Variants in RGS7 observed in about 807,000 individuals in gnomAD.
RGS7 encodes regulator of G protein signaling 7.
A neutral mutation model predicts 81.1 loss-of-function variants in RGS7; 27 were observed. The ratio of observed to expected loss-of-function variants is 0.33; its 90% CI spans 0.25 to 0.46. RGS7 has a LOEUF of 0.46. RGS7 is among the 20% of genes least tolerant of loss of function. RGS7 has a pLI of 1.00. For missense variants in RGS7, 396 were observed against 607.4 expected, an observed-to-expected ratio of 0.65 and a Z score of 3.66; for synonymous variants, 208 against 207.7, an observed-to-expected ratio of 1.00 and a Z score of -0.01.
intron 3 of RGS7, among the ~76,000 whole-genome samples, chr1:241,088,050 A>C (rs1370120131): frequency 7.1e-6 from 1 of 140,146 alleles, no homozygotes; most frequent in Admixed American, 6.9e-5. Flanking sequence ...ACACATATAT[A>C]TATATACACA....
At position 240,964,277 on chromosome 1, in the gene RGS7, A is replaced by C. The variant is rs181769692; in HGVS notation, c.226+18802T>G. 3.3e-5 allele frequency among the ~76,000 whole-genome samples: 5 copies of C among 152,342 alleles called. No homozygotes were observed. In the East Asian group the frequency reaches 9.6e-4, roughly 29 times the overall value. On this transcript the variant is annotated intron_variant, in intron 4 of 18. Transcript: ENST00000440928. Reference sequence around the variant, plus strand: ...GTAGAGGAAGTGGAGAAAGCTTTGAATAATCATCCCACTAAATAGGAGATC... The same window carrying C: ...GTAGAGGAAGTGGAGAAAGCTTTGACTAATCATCCCACTAAATAGGAGATC...
chr1:241,124,094 C>T (rs2066480969), intron 2 of RGS7, among the ~76,000 whole-genome samples: 2 of 152,092 alleles, frequency 1.3e-5, no homozygotes, highest in South Asian at 4.1e-4. Context: ...TAGAGAGTAT[C>T]CCTCTTAAGA....
At chr1:240,893,709 A>G (rs1166194336) in intron 6 of RGS7, among the ~76,000 whole-genome samples, 1 of 152,186 alleles carries the variant, frequency 6.6e-6, no homozygotes, top group Non-Finnish European at 1.5e-5. Flanking sequence ...GGAAAAGGAA[A>G]CCCAGTTCTA....
At position 241,081,650 on chromosome 1, in the gene RGS7, T is replaced by C. The variant is rs74776504; in HGVS notation, c.175+17016A>G. On this transcript the variant is annotated intron_variant, in intron 3 of 18. Transcript: ENST00000440928. ...GCACAATGAATGGATCACGTCAGGT[T>C]CCCATGTAGGGATGAGAGAACAGGA... Among the ~76,000 whole-genome samples the C allele has an allele frequency of 4.8e-3, 736 of 152,362 alleles. 43 individuals are homozygous for C. In the East Asian group the frequency reaches 0.12, roughly 25 times the overall value.
At chr1:241,241,490 A>G (rs2076255332) in intron 2 of RGS7, among the ~76,000 whole-genome samples, 1 of 152,104 alleles carries the variant, frequency 6.6e-6, no homozygotes, top group Non-Finnish European at 1.5e-5. Flanking sequence ...AACACCACAG[A>G]GCAAAGGCAG....
At chr1:241,008,235 C>T (rs1005822605) in intron 3 of RGS7, among the ~76,000 whole-genome samples, 1 of 152,054 alleles carries the variant, frequency 6.6e-6, no homozygotes, top group Non-Finnish European at 1.5e-5. Context: ...AGAGACTGAG[C>T]CTGTAAAAGA....
chr1:241,115,336 G>C (rs1290106527), intron 2 of RGS7, among the ~76,000 whole-genome samples: 2 of 152,118 alleles, frequency 1.3e-5, no homozygotes, highest in African/African-American at 4.8e-5. Context: ...AAATTTTTAT[G>C]CAAGTTCTAA....
intron 6 of RGS7, among the ~76,000 whole-genome samples, chr1:240,870,798 C>T (rs1211103923): frequency 6.6e-6 from 1 of 152,176 alleles, no homozygotes; most frequent in Non-Finnish European, 1.5e-5. Flanking sequence ...ATTAGTGGCA[C>T]ATTCAACGAT....
At chr1:241,160,156 G>A (rs887247858) in intron 2 of RGS7, among the ~76,000 whole-genome samples, 1 of 145,706 alleles carries the variant, frequency 6.9e-6, no homozygotes, top group Non-Finnish European at 1.5e-5. Context: ...AAAGAAATAG[G>A]GTTTTCATCT....
chr1:241,041,259 G>T (rs769055938), intron 3 of RGS7, among the ~76,000 whole-genome samples: 66 of 152,236 alleles, frequency 4.3e-4, no homozygotes, highest in Admixed American at 1.2e-3. Flanking sequence ...TTACTGGAAA[G>T]TTAAGTTTTA....
At chr1:241,329,737 AT>A (rs900685062) in intron 2 of RGS7, among the ~76,000 whole-genome samples, 3 of 152,098 alleles carry the variant, frequency 2.0e-5, no homozygotes, top group East Asian at 3.9e-4. Flanking sequence ...TAAAAGGAAG[AT>A]TTTTTTTAGC....
At position 241,222,831 on chromosome 1, in the gene RGS7, C is replaced by G. The variant is rs571961957; in HGVS notation, c.79-124069G>C. Among the ~76,000 whole-genome samples the G allele has an allele frequency of 2.1e-5, 3 of 144,324 alleles. No homozygotes were observed. The East Asian group carries it at 6.2e-4, about 30-fold the overall frequency. 94.7% of individuals were successfully genotyped at this position (144,324 alleles called of 152,430 possible). On this transcript the variant is annotated intron_variant, in intron 2 of 18. Transcript: ENST00000440928. ...CCACCCCCAGCCCCCCACCCCCTGA[C>G]AGGCCCTGGTGTGTGATGTTCCCCT...
chr1:241,339,242 T>C (rs1303264597), intron 2 of RGS7, among the ~76,000 whole-genome samples: 1 of 152,254 alleles, frequency 6.6e-6, no homozygotes, highest in African/African-American at 2.4e-5. Flanking sequence ...GGCTGCGTAG[T>C]ATTCCATGGT....
chr1:241,129,595 T>A lies in RGS7; in HGVS notation c.79-30833A>T, dbSNP rs537828333. 6.6e-5 allele frequency among the ~76,000 whole-genome samples: 10 copies of A among 152,324 alleles called. No homozygotes were observed. In the East Asian group the frequency reaches 1.9e-3, roughly 29 times the overall value. On this transcript the variant is annotated intron_variant, in intron 2 of 18. Transcript: ENST00000440928. ...CTAGAATTGCATTAAGTATATTTTA[T>A]AAGCCAATAATCACCGGCAGAGAGA... is the stretch of plus-strand genomic sequence containing the variant.
At chr1:240,995,407 T>C (rs945604541) in intron 3 of RGS7, among the ~76,000 whole-genome samples, 1 of 152,178 alleles carries the variant, frequency 6.6e-6, no homozygotes, top group Non-Finnish European at 1.5e-5. Flanking sequence ...CTGTGTATAA[T>C]TGAATTTTTT....
chr1:240,890,937 G>A (rs1287979856), intron 6 of RGS7, among the ~76,000 whole-genome samples: 3 of 152,070 alleles, frequency 2.0e-5, no homozygotes, highest in Non-Finnish European at 4.4e-5. Flanking sequence ...CATTCATTTT[G>A]CACCAACCTA....
intron 2 of RGS7, among the ~76,000 whole-genome samples, chr1:241,350,734 C>T (rs1280186683): frequency 5.0e-5 from 4 of 79,396 alleles, no homozygotes; most frequent in African/African-American, 2.0e-4. Context: ...ACAATGAGAC[C>T]CCATCTCAAA....
chr1:240,983,084 T>A lies in RGS7; in HGVS notation c.221A>T (p.Asp74Val). 1.3e-6 allele frequency: 2 copies of A among 1,536,228 alleles called. No individual in the cohort carries two copies. The highest frequency in any genetic ancestry group is 1.8e-6 in the Non-Finnish European group (2 of 1,112,304). Residue 74 changes from aspartate (D) to valine (V), a missense_variant, in exon 4 of 19, where the codon GAT becomes GTT. Physicochemically the swap from Asp to Val is radical, Grantham distance 152 (BLOSUM62 -3). Transcript: ENST00000440928. ...QWLIKNLTIE[D>V]PVEALHLGTL... ...TGGGAAAATGATTTATTTACCTGGA[T>A]CTTCTATAGTTAAGTTCTTTATCAA...
intron 6 of RGS7, among the ~76,000 whole-genome samples, chr1:240,900,915 GCCTTCTTGAGCTGCGGTGGGCT>G (rs1467461859): frequency 1.3e-5 from 2 of 152,190 alleles, no homozygotes; most frequent in African/African-American, 4.8e-5. Context: ...AGGCAGGCAG[GCCTTCTTGAGCTGCGGTGGGCT>G]CCACCCAGTT....
Sources: allele counts gnomAD v4.1 joint callset (sites outside exome capture counted in the v4.1 genomes callset), GRCh38; gene constraint gnomAD v4.1.1; transcripts MANE v1.5; gene names NCBI Gene and HGNC (gene_info 2026-07-23, HGNC 2026-07-21).